The following SKAP1 variants were observed in gnomAD, a reference collection of about 807,000 sequenced individuals.
The protein encoded by SKAP1 is src kinase associated phosphoprotein 1, also known as src kinase-associated phosphoprotein 1.
Under a neutral mutation model 58.5 loss-of-function variants are expected in SKAP1, and 44 were observed. That is an observed-to-expected ratio of 0.75 (90% CI 0.59 to 0.97). The LOEUF (loss-of-function observed/expected upper bound fraction) is 0.97. Ranked by LOEUF, SKAP1 falls within the 50% of genes least tolerant of loss-of-function variation. The pLI is 0.00. For missense variants in SKAP1, 390 were observed against 435.2 expected (o/e 0.90, Z 0.92); for synonymous variants, 127 against 149.7 (o/e 0.85, Z 1.11).
At chr17:48,340,601 C>T (rs2066638203) in intron 4 of SKAP1, among the ~76,000 whole-genome samples, 1 of 152,104 alleles carries the variant, frequency 6.6e-6, no homozygotes, top group South Asian at 2.1e-4. Context: ...AAATAATATA[C>T]ACTGTGCTCT....
At chr17:48,408,665 A>C (rs1223273034) in intron 1 of SKAP1, among the ~76,000 whole-genome samples, 1 of 152,208 alleles carries the variant, frequency 6.6e-6, no homozygotes, top group East Asian at 1.9e-4. Flanking sequence ...TAGGTTAAAA[A>C]ATCTAAAAAA....
At chr17:48,186,195 T>G (rs1346956479) in intron 6 of SKAP1, among the ~76,000 whole-genome samples, 1 of 152,208 alleles carries the variant, frequency 6.6e-6, no homozygotes, top group African/African-American at 2.4e-5. Flanking sequence ...ATGCCTATAA[T>G]TTAGAGGAGA....
In SKAP1 at chr17:48,409,431, G is replaced by A. The variant is rs558919856; in HGVS notation, c.47-12646C>T. Among the ~76,000 whole-genome samples the A allele has an allele frequency of 4.6e-5, 7 of 152,282 alleles. No homozygotes were observed. In the East Asian group the frequency reaches 9.6e-4, roughly 21 times the overall value. ...TACAATCCCAGCACTTTGGGAGGCC[G>A]AGGCGGGCAAATCACTTGTGCCCAG... On this transcript the variant is annotated intron_variant, in intron 1 of 12. Coordinates refer to ENST00000336915, the MANE Select transcript of SKAP1 (RefSeq NM_003726.4).
At chr17:48,214,440 C>G (rs1364789606) in intron 4 of SKAP1, among the ~76,000 whole-genome samples, 2 of 152,104 alleles carry the variant, frequency 1.3e-5, no homozygotes, top group East Asian at 3.9e-4. Context: ...ATTGTTTCTT[C>G]TTCTTTAATT....
chr17:48,238,167 T>C (rs750727173), intron 4 of SKAP1, among the ~76,000 whole-genome samples: 2 of 152,032 alleles, frequency 1.3e-5, no homozygotes, highest in Non-Finnish European at 2.9e-5. Context: ...CTGATTTTTG[T>C]ATTTTTAGTA....
At chr17:48,374,886 GT>G (rs1238011527) in intron 2 of SKAP1, among the ~76,000 whole-genome samples, 1 of 152,222 alleles carries the variant, frequency 6.6e-6, no homozygotes, top group Non-Finnish European at 1.5e-5. Context: ...GGACCCAGGG[GT>G]CCAGGTACCA....
chr17:48,145,483 T>C (rs1165201083), intron 11 of SKAP1, among the ~76,000 whole-genome samples: 1 of 151,674 alleles, frequency 6.6e-6, no homozygotes, highest in African/African-American at 2.4e-5. Context: ...CAAAAAGCAG[T>C]ATGGCCACCA....
chr17:48,298,244 T>C (rs2066007427), intron 4 of SKAP1, among the ~76,000 whole-genome samples: 1 of 152,230 alleles, frequency 6.6e-6, no homozygotes, highest in South Asian at 2.1e-4. Context: ...CCTGTCACAT[T>C]AGAGTATTTT....
chr17:48,190,715 G>C (rs1434523176), intron 4 of SKAP1, among the ~76,000 whole-genome samples: 2 of 152,190 alleles, frequency 1.3e-5, no homozygotes, highest in African/African-American at 4.8e-5. Flanking sequence ...GCTGGGCCCA[G>C]TGGCTCATGC....
At chr17:48,260,813 T>C (rs1243835617) in intron 4 of SKAP1, among the ~76,000 whole-genome samples, 2 of 152,144 alleles carry the variant, frequency 1.3e-5, no homozygotes, top group Non-Finnish European at 2.9e-5. Flanking sequence ...CTTTCCTTAA[T>C]TGGTTAACCA....
intron 4 of SKAP1, among the ~76,000 whole-genome samples, chr17:48,245,541 T>C (rs996823180): frequency 1.3e-5 from 2 of 152,182 alleles, no homozygotes; most frequent in Non-Finnish European, 2.9e-5. Context: ...GAGAGAAAAA[T>C]GAAGACAGCA....
chr17:48,430,262 C>G (rs2067902142), upstream of SKAP1: 1 of 525,446 alleles, frequency 1.9e-6, no homozygotes, highest in African/African-American at 2.0e-5. Context: ...GGGGCGGGGC[C>G]GTGGGTCCCC....
intron 4 of SKAP1, among the ~76,000 whole-genome samples, chr17:48,315,791 C>T (rs970096069): frequency 9.2e-5 from 14 of 152,040 alleles, no homozygotes; most frequent in African/African-American, 3.1e-4. Context: ...GTTTTATGTA[C>T]AAAATTATTT....
chr17:48,177,463 C>CAGAG (rs966521712), intron 9 of SKAP1, among the ~76,000 whole-genome samples: 1 of 152,124 alleles, frequency 6.6e-6, no homozygotes, highest in African/African-American at 2.4e-5. Context: ...TACAATCAGA[C>CAGAG]AGAGAGGGCA....
At chr17:48,352,605 AAGTT>A (rs1158011902) in intron 3 of SKAP1, among the ~76,000 whole-genome samples, 2 of 152,162 alleles carry the variant, frequency 1.3e-5, no homozygotes, top group African/African-American at 4.8e-5. Flanking sequence ...ATATAGGAGA[AAGTT>A]AGCTATAATA....
chr17:48,260,085 C>G (rs1034295836), intron 4 of SKAP1, among the ~76,000 whole-genome samples: 4 of 151,962 alleles, frequency 2.6e-5, no homozygotes, highest in Admixed American at 2.6e-4. Context: ...TGAAGACAAC[C>G]ATAGCATGAA....
chr17:48,168,913 C>T (rs1488183188), intron 10 of SKAP1, among the ~76,000 whole-genome samples: 1 of 152,072 alleles, frequency 6.6e-6, no homozygotes, highest in Non-Finnish European at 1.5e-5. Flanking sequence ...TAAAATCAAT[C>T]GATAAATAAG....
intron 4 of SKAP1, among the ~76,000 whole-genome samples, chr17:48,194,028 T>C (rs1202964314): frequency 6.6e-6 from 1 of 152,156 alleles, no homozygotes; most frequent in East Asian, 1.9e-4. Flanking sequence ...ATGGCCCTCT[T>C]GGCTAAGTCT....
chr17:48,327,284 A>T lies in SKAP1; in HGVS notation c.280+18621T>A, dbSNP rs573438137. Among the ~76,000 whole-genome samples the T allele has an allele frequency of 9.8e-5, 15 of 152,330 alleles. No individual in the cohort carries two copies. The South Asian group carries it at 2.1e-3, about 21-fold the overall frequency. On this transcript the variant is annotated intron_variant, in intron 4 of 12. Transcript: ENST00000336915. The stretch of plus-strand genomic sequence containing the variant: ...AGAGCAACAACTGCTATTTATTTTT[A>T]AAAATTTTAAATATGTATTTTCCAA...
Sources: gnomAD v4.1 joint callset for allele counts (sites outside exome capture counted in the v4.1 genomes callset) on GRCh38, gnomAD v4.1.1 for gene constraint, MANE v1.5 for transcripts, NCBI Gene and HGNC (gene_info 2026-07-23, HGNC 2026-07-21) for gene names.